The following PIWIL4 variants were observed in gnomAD, a reference collection of about 807,000 sequenced individuals.
PIWIL4 encodes the protein piwi like RNA-mediated gene silencing 4.
In PIWIL4, 50 loss-of-function variants were observed where a neutral mutation model predicts 100.9. The observed-to-expected ratio is 0.50, with a 90% CI of 0.39 to 0.63. The LOEUF (loss-of-function observed/expected upper bound fraction) is 0.63, where lower values mean the gene tolerates loss of function less well. PIWIL4 is among the 20% of genes least tolerant of loss of function. The pLI is 0.00. For missense variants in PIWIL4, 887 were observed against 1,043.3 expected (o/e 0.85, Z 2.06); for synonymous variants, 342 against 367.5 (o/e 0.93, Z 0.79).
intron 6 of PIWIL4, 48 bp from the exon 7 acceptor site, chr11:94,587,001 TC>T (rs1382167497): frequency 1.4e-6 from 2 of 1,407,730 alleles, no homozygotes; most frequent in Non-Finnish European, 9.9e-7. Flanking sequence ...TTATTGTGTT[TC>T]CGGTATAACA....
intron 8 of PIWIL4, among the ~76,000 whole-genome samples, chr11:94,590,275 T>A (rs1487682368): frequency 6.6e-6 from 1 of 152,216 alleles, no homozygotes; most frequent in Non-Finnish European, 1.5e-5. Context: ...GTTCTTATCC[T>A]AAAGGGCTTT....
In PIWIL4 at chr11:94,621,004, A is replaced by T; in HGVS notation, c.*12A>T. ...TCTTCTACCTGTGATGGCATGAACT[A>T]CTGGCATCACTAGATGGACAATCCA... On this transcript the variant is annotated 3_prime_UTR_variant, in exon 20 of 20. Transcript: ENST00000299001. 2 of 1,541,534 alleles carry T rather than the reference A, an allele frequency of 1.3e-6. No individual in the cohort carries two copies. The highest frequency in any genetic ancestry group is 9.0e-7 in the Non-Finnish European group (1 of 1,114,176).
rs142900455 is a variant in PIWIL4 at position 94,570,848 on chromosome 11, C to T, written c.166+2040C>T. On this transcript the variant is annotated intron_variant, in intron 2 of 19. Coordinates refer to ENST00000299001, the MANE Select transcript of PIWIL4 (RefSeq NM_152431.3). ...TGGCGGTTGCAGTAAACCGAGATTG[C>T]GCCCTTGCACTCCAGCTTGGGCAAC... 3.0e-4 allele frequency among the ~76,000 whole-genome samples: 45 copies of T among 152,236 alleles called. No homozygotes were observed. The East Asian group carries it at 7.5e-3, about 26-fold the overall frequency.
At position 94,588,330 on chromosome 11, in the gene PIWIL4, G is replaced by A. The variant is rs557174989; in HGVS notation, c.915-791G>A. Among the ~76,000 whole-genome samples the A allele has an allele frequency of 2.8e-4, 43 of 152,098 alleles. 1 individual carries two copies. The highest frequency in any genetic ancestry group is 5.9e-5 in the Non-Finnish European group (4 of 68,026). On this transcript the variant is annotated intron_variant, in intron 7 of 19. Transcript: ENST00000299001. ...GGCTGCAAAAATACTTCTTTTAGGG[G>A]ACTTGTTAGCTTTCTATTCTGGCTT...
intron 3 of PIWIL4, among the ~76,000 whole-genome samples, chr11:94,576,662 T>G (rs141996683): frequency 1.5e-4 from 23 of 152,322 alleles, no homozygotes; most frequent in Admixed American, 1.5e-3. Context: ...ATGGCCTCCA[T>G]GTGTCTGCAG....
chr11:94,577,471 G>A lies in PIWIL4; in HGVS notation c.492G>A (p.Leu164=). ...CATTCGACGGTGCCATCCTTTTTCT[G>A]TCACAAAAGCTAGAAGAAAAGGTAT... The part of the protein sequence containing the change: ...AKAFDGAILF[L]SQKLEEKVTE... The change falls in exon 4 of 20, where the codon CTG becomes CTA. Residue 164 remains leucine (L), a synonymous_variant. Coordinates refer to ENST00000299001, the MANE Select transcript of PIWIL4 (RefSeq NM_152431.3). 5 of 1,613,056 alleles carry A rather than the reference G, an allele frequency of 3.1e-6. No homozygotes were observed. The highest frequency in any genetic ancestry group is 4.2e-6 in the Non-Finnish European group (5 of 1,179,530).
intron 12 of PIWIL4, among the ~76,000 whole-genome samples, chr11:94,602,186 T>C (rs1245287926): frequency 6.6e-6 from 1 of 152,246 alleles, no homozygotes; most frequent in African/African-American, 2.4e-5. Flanking sequence ...GTAAAACTTG[T>C]ACCCAGTTCT....
chr11:94,618,631 G>A (rs1948871424), intron 17 of PIWIL4, among the ~76,000 whole-genome samples: 1 of 152,196 alleles, frequency 6.6e-6, no homozygotes, highest in South Asian at 2.1e-4. Context: ...ACTGTTGTCT[G>A]TGTTTCAGTA....
At chr11:94,571,159 C>A (rs1948146797) in intron 2 of PIWIL4, among the ~76,000 whole-genome samples, 1 of 152,156 alleles carries the variant, frequency 6.6e-6, no homozygotes, top group Admixed American at 6.5e-5. Context: ...AGCACAGAAG[C>A]CCTACTCTGA....
chr11:94,599,425 A>G (rs566968670), intron 11 of PIWIL4, among the ~76,000 whole-genome samples: 1 of 152,266 alleles, frequency 6.6e-6, no homozygotes, highest in East Asian at 1.9e-4. Context: ...AGGTCCTAGG[A>G]ACTGAATGAA....
Position 94,619,672 on chromosome 11 carries a change from A to G in PIWIL4, c.2169-88A>G, listed in dbSNP as rs949753004. On this transcript the variant is annotated intron_variant, in intron 17 of 19. Transcript: ENST00000299001. The stretch of plus-strand genomic sequence containing the variant: ...GCAGTGTTTTTCAAATGGAATTTTT[A>G]TTTATTTCATTTTTTAAATTACACA... The G allele has an allele frequency of 3.0e-6, 4 of 1,351,330 alleles. No individual in the cohort carries two copies. The African/African-American group carries it at 7.2e-5, about 24-fold the overall frequency. The allele number at this position is 1,351,330 out of a possible 1,614,324, so 83.7% of individuals were successfully genotyped here.
rs1342483392 is a variant in PIWIL4 at position 94,587,156 on chromosome 11, G to A, written c.823G>A (p.Glu275Lys). 6.2e-7 allele frequency: 1 copy of A among 1,614,026 alleles called. No homozygotes were observed. The highest frequency in any genetic ancestry group is 1.3e-5 in the African/African-American group (1 of 74,912). Residue 275 changes from glutamate to lysine, a missense_variant, in exon 7 of 20, where the codon GAA becomes AAA. Physicochemically the swap from Glu to Lys is moderately conservative, Grantham distance 56 (BLOSUM62 1). Around this residue, in one of 2 missense-constraint regions of PIWIL4, gnomAD observed 741 missense variants for 930.0 expected, o/e 0.80. Coordinates refer to ENST00000299001, the MANE Select transcript of PIWIL4 (RefSeq NM_152431.3). ...YKVLRNETVL[E>K]FMTALCQRTG... ...AGTCCTCCGGAATGAGACGGTTCTG[G>A]AATTCATGACTGCTCTCTGTCAAAG...
intron 15 of PIWIL4, among the ~76,000 whole-genome samples, chr11:94,612,512 A>G (rs1397895712): frequency 1.3e-5 from 2 of 152,084 alleles, no homozygotes; most frequent in Admixed American, 1.3e-4. Flanking sequence ...ACACTGTGTC[A>G]TTTGATTGGA....
chr11:94,617,148 T>C (rs986487081), intron 16 of PIWIL4, among the ~76,000 whole-genome samples: 2 of 152,176 alleles, frequency 1.3e-5, no homozygotes, highest in African/African-American at 4.8e-5. Flanking sequence ...AATTTGGGAG[T>C]ATTGTAAATA....
intron 15 of PIWIL4, among the ~76,000 whole-genome samples, chr11:94,612,859 A>G (rs1201488217): frequency 6.6e-6 from 1 of 152,120 alleles, no homozygotes; most frequent in Non-Finnish European, 1.5e-5. Context: ...CATGATTTGC[A>G]TCTTCTTATA....
intron 13 of PIWIL4, among the ~76,000 whole-genome samples, chr11:94,605,711 G>A (rs146154380): frequency 4.7e-4 from 72 of 152,226 alleles, no homozygotes; most frequent in African/African-American, 1.7e-3. Context: ...TTATTAGGTG[G>A]CATAGGAAGA....
In PIWIL4 at chr11:94,618,192, G is replaced by A. The variant is rs937507359; in HGVS notation, c.2168+85G>A. The A allele has an allele frequency of 4.0e-5, 55 of 1,381,202 alleles. No individual in the cohort carries two copies. The African/African-American group carries it at 7.8e-4, about 20-fold the overall frequency. The allele number at this position is 1,381,202 out of a possible 1,614,324, so 85.6% of individuals were successfully genotyped here. On this transcript the variant is annotated intron_variant, in intron 17 of 19. Transcript: ENST00000299001. ...TTACACACAAGGTATTCAAGCATAA[G>A]TTTTGTTTTTTATGCAATTAAGTTT...
chr11:94,611,106 G>A (rs554009820), intron 15 of PIWIL4, among the ~76,000 whole-genome samples: 10 of 152,134 alleles, frequency 6.6e-5, no homozygotes, highest in South Asian at 2.1e-4. Flanking sequence ...ATTTCTGGGC[G>A]TCTTATCCCA....
chr11:94,609,414 A>G (rs1948763208), intron 15 of PIWIL4, among the ~76,000 whole-genome samples: 1 of 152,186 alleles, frequency 6.6e-6, no homozygotes, highest in South Asian at 2.1e-4. Flanking sequence ...TTTTGAGCCT[A>G]TAGCAGCCCT....
Sources: gnomAD v4.1 joint callset for allele counts (sites outside exome capture counted in the v4.1 genomes callset) on GRCh38, gnomAD v4.1.1 for gene constraint, gnomAD v4.1.1 regional missense constraint, MANE v1.5 for transcripts, NCBI Gene and HGNC (gene_info 2026-07-23, HGNC 2026-07-21) for gene names.